SNRPD1: variants seen among roughly 807,000 people sequenced by gnomAD.
SNRPD1 encodes the protein small nuclear ribonucleoprotein D1 polypeptide, also known as small nuclear ribonucleoprotein Sm D1.
In SNRPD1, 1 loss-of-function variant was observed where a neutral mutation model predicts 14.4. That is an observed-to-expected ratio of 0.07 (90% CI 0.02 to 0.33). The LOEUF (loss-of-function observed/expected upper bound fraction) is 0.33, where lower values mean the gene tolerates loss of function less well. Among genes scored for constraint, SNRPD1 ranks in the 10% least tolerant of loss-of-function variants. The pLI is 1.00. For missense variants in SNRPD1, 52 were observed against 146.4 expected, an observed-to-expected ratio of 0.36 and a Z score of 3.33; for synonymous variants, 42 against 50.3, an observed-to-expected ratio of 0.83 and a Z score of 0.70.
rs1242269041 is a variant in SNRPD1, at chr18:21,631,437, T to G, written c.*2299T>G. 5.1e-5 allele frequency: 7 copies of G among 137,634 alleles called. No homozygotes were observed. Among genetic ancestry groups the G allele is most frequent in the Middle Eastern group, 3.4e-3 (1 of 292 alleles). The allele number at this position is 137,634 out of a possible 1,614,324, so 8.5% of individuals were successfully genotyped here. A position where few individuals can be genotyped will look rare whatever the true frequency, so the allele number is the denominator to read the frequency against. The stretch of plus-strand genomic sequence containing the variant: ...AATTTTTCTCCACACGTTTTTTTTT[T>G]TTTTTTTTTTTTTTTTCTGGAGACA... On this transcript the variant is annotated 3_prime_UTR_variant, in exon 4 of 4. Coordinates refer to ENST00000300413, the MANE Select transcript of SNRPD1 (RefSeq NM_006938.4).
Position 21,632,334 on chromosome 18 carries a change from C to T in SNRPD1, c.*3196C>T, listed in dbSNP as rs1165767108. On this transcript the variant is annotated 3_prime_UTR_variant, in exon 4 of 4. Transcript: ENST00000300413. ...ATTAGCTTGGTGTGGTGGCGGGTGC[C>T]TGTAATCTCAGTTACTCAGGAGGCT... 6.6e-6 allele frequency: 1 copy of T among 151,968 alleles called. No homozygotes were observed. The highest frequency in any genetic ancestry group is 1.5e-5 in the Non-Finnish European group (1 of 68,046). 9.4% of individuals were successfully genotyped at this position (151,968 alleles called of 1,614,324 possible).
intron 1 of SNRPD1, among the ~76,000 whole-genome samples, chr18:21,613,702 A>G (rs1218490115): frequency 1.3e-5 from 2 of 151,896 alleles, no homozygotes; most frequent in Non-Finnish European, 2.9e-5. Flanking sequence ...GAAAATTACA[A>G]AAGTTAGTGG....
intron 1 of SNRPD1, among the ~76,000 whole-genome samples, chr18:21,615,122 C>T (rs9947856): frequency 0.021 from 3,179 of 152,300 alleles, 117 homozygotes; most frequent in African/African-American, 0.072. Flanking sequence ...ACCTCTGGCT[C>T]CATACCCCTA....
chr18:21,622,100 T>C (rs1203693710), intron 1 of SNRPD1, among the ~76,000 whole-genome samples: 1 of 152,114 alleles, frequency 6.6e-6, no homozygotes, highest in Non-Finnish European at 1.5e-5. Context: ...TTATAGGCAT[T>C]ATAATAAGCT....
At chr18:21,616,016 C>T (rs2038954428) in intron 1 of SNRPD1, among the ~76,000 whole-genome samples, 1 of 152,160 alleles carries the variant, frequency 6.6e-6, no homozygotes. Flanking sequence ...GGCGGAGTCT[C>T]ACTCTGTCAC....
chr18:21,613,240 A>G (rs146770100), intron 1 of SNRPD1, among the ~76,000 whole-genome samples: 26 of 152,310 alleles, frequency 1.7e-4, no homozygotes, highest in Admixed American at 6.5e-4. Flanking sequence ...TGATGTGAAT[A>G]ATTCTAAACT....
rs113606579 is a variant in SNRPD1 at position 21,612,319 on chromosome 18, C to G, written c.-111C>G. The stretch of plus-strand genomic sequence containing the variant: ...CCTGCAGTGCTCCGCGCGCTCTTGA[C>G]GTCCGGAGCCCCTGGAGTAGGCGCT... On this transcript the variant is annotated 5_prime_UTR_variant, in exon 1 of 4. Coordinates refer to ENST00000300413, the MANE Select transcript of SNRPD1 (RefSeq NM_006938.4). 3.6e-3 allele frequency: 2,564 copies of G among 711,942 alleles called. 7 individuals are homozygous for G. The highest frequency in any genetic ancestry group is 4.9e-3 in the Non-Finnish European group (2,251 of 455,146). 44.1% of individuals were successfully genotyped at this position (711,942 alleles called of 1,614,324 possible).
intron 1 of SNRPD1, among the ~76,000 whole-genome samples, chr18:21,615,091 T>A (rs1156263622): frequency 2.0e-5 from 3 of 152,204 alleles, no homozygotes; most frequent in African/African-American, 7.2e-5. Flanking sequence ...TCAGACAGTT[T>A]CCTCAAGCCT....
At chr18:21,615,775 G>A (rs1339103735) in intron 1 of SNRPD1, among the ~76,000 whole-genome samples, 1 of 152,158 alleles carries the variant, frequency 6.6e-6, no homozygotes, top group Admixed American at 6.5e-5. Flanking sequence ...TGGAGTTGAT[G>A]GACTGTAACA....
At chr18:21,618,287 A>G (rs547431106) in intron 1 of SNRPD1, among the ~76,000 whole-genome samples, 82 of 152,064 alleles carry the variant, frequency 5.4e-4, no homozygotes, top group African/African-American at 1.9e-3. Context: ...AAAAAATATT[A>G]GCCGGGCATG....
Position 21,612,328 on chromosome 18 carries a change from C to T in SNRPD1, c.-102C>T, listed in dbSNP as rs1436897912. ...CTCCGCGCGCTCTTGACGTCCGGAGCCCCTGGAGTAGGCGCTTCCGGCCAT... is the reference window on the plus strand; with the variant it reads ...CTCCGCGCGCTCTTGACGTCCGGAGTCCCTGGAGTAGGCGCTTCCGGCCAT... On this transcript the variant is annotated 5_prime_UTR_variant, in exon 1 of 4. Transcript: ENST00000300413. 2 of 825,420 alleles carry T rather than the reference C, an allele frequency of 2.4e-6. No individual in the cohort carries two copies. Among genetic ancestry groups the T allele is most frequent in the South Asian group, 2.3e-5 (1 of 42,610 alleles). 51.1% of individuals were successfully genotyped at this position (825,420 alleles called of 1,614,324 possible).
chr18:21,617,318 A>G lies in SNRPD1; in HGVS notation c.14+4875A>G, dbSNP rs79075147. Reference sequence around the variant, plus strand: ...TAAAACAAAAAGAAATACAAAAATTAGCTGGTTGTGGTGGCGAGTGCCTGT... The same window carrying G: ...TAAAACAAAAAGAAATACAAAAATTGGCTGGTTGTGGTGGCGAGTGCCTGT... On this transcript the variant is annotated intron_variant, in intron 1 of 3. Coordinates refer to ENST00000300413, the MANE Select transcript of SNRPD1 (RefSeq NM_006938.4). 5.2e-3 allele frequency among the ~76,000 whole-genome samples: 788 copies of G among 152,172 alleles called. 31 individuals are homozygous for G. Among genetic ancestry groups the G allele is most frequent in the East Asian group, 0.04 (206 of 5,128 alleles).
chr18:21,623,690 T>G, intron 2 of SNRPD1, 58 bp from the exon 3 acceptor site: 2 of 1,221,652 alleles, frequency 1.6e-6, no homozygotes, highest in Non-Finnish European at 2.4e-6. Flanking sequence ...CTCAGTAGAT[T>G]AATTAGTTGC....
intron 1 of SNRPD1, among the ~76,000 whole-genome samples, chr18:21,622,217 G>T (rs968063443): frequency 6.6e-6 from 1 of 151,068 alleles, no homozygotes; most frequent in Non-Finnish European, 1.5e-5. Flanking sequence ...TCGGCTCACT[G>T]AGAGCTCTGC....
At position 21,633,016 on chromosome 18, in the gene SNRPD1, A is replaced by G. The variant is rs1486212290; in HGVS notation, c.*3878A>G. ...CAGGTGCCCACCACTATGCCCGGCT[A>G]ATGTTTTGTACTTTTAGTAGAGACG... On this transcript the variant is annotated 3_prime_UTR_variant, in exon 4 of 4. Coordinates refer to ENST00000300413, the MANE Select transcript of SNRPD1 (RefSeq NM_006938.4). The G allele has an allele frequency of 6.6e-6, 1 of 151,914 alleles. No individual in the cohort carries two copies. Among genetic ancestry groups the G allele is most frequent in the African/African-American group, 2.4e-5 (1 of 41,340 alleles). The allele number at this position is 151,914 out of a possible 1,614,324, so 9.4% of individuals were successfully genotyped here.
chr18:21,628,373 AAAAAAC>A (rs1246187051), intron 3 of SNRPD1, among the ~76,000 whole-genome samples: 7 of 152,176 alleles, frequency 4.6e-5, no homozygotes, highest in African/African-American at 1.2e-4. Context: ...CCCTGTATTT[AAAAAAC>A]AAAAACAAAA....
intron 3 of SNRPD1, among the ~76,000 whole-genome samples, chr18:21,624,490 C>T (rs1228292394): frequency 6.6e-6 from 1 of 151,376 alleles, no homozygotes; most frequent in East Asian, 1.9e-4. Context: ...CCAGGAGTTC[C>T]AGACCAGCCT....
chr18:21,628,970 G>A (rs561826278), intron 3 of SNRPD1, 92 bp from the exon 4 acceptor site: 4 of 932,950 alleles, frequency 4.3e-6, no homozygotes, highest in Non-Finnish European at 7.1e-6. Context: ...GCTATAAACA[G>A]GGAAAGGTGT....
chr18:21,627,359 C>T (rs2039047841), intron 3 of SNRPD1, among the ~76,000 whole-genome samples: 1 of 151,724 alleles, frequency 6.6e-6, no homozygotes, highest in Admixed American at 6.6e-5. Context: ...AAACAATCCT[C>T]CTGCTGTGGC....
Sources: gnomAD v4.1 joint callset for allele counts (sites outside exome capture counted in the v4.1 genomes callset) on GRCh38, gnomAD v4.1.1 for gene constraint, MANE v1.5 for transcripts, NCBI Gene and HGNC (gene_info 2026-07-23, HGNC 2026-07-21) for gene names.